The following EDAR variants were observed in gnomAD, a reference collection of about 807,000 sequenced individuals.
The protein encoded by EDAR is tumor necrosis factor receptor superfamily member EDAR.
Under a neutral mutation model 51.3 loss-of-function variants are expected in EDAR, and 38 were observed. That is an observed-to-expected ratio of 0.74 (90% CI 0.57 to 0.97). The LOEUF is 0.97. Among genes scored for constraint, EDAR ranks in the 50% least tolerant of loss-of-function variants. The probability of loss-of-function intolerance (pLI) is 0.00; values close to 1 mark genes in which losing one functional copy is unlikely to be tolerated. For missense variants in EDAR, 528 were observed against 595.0 expected (o/e 0.89, Z 1.17); for synonymous variants, 227 against 242.1 (o/e 0.94, Z 0.58).
At chr2:108,897,337 T>A (rs917417341) in intron 11 of EDAR, 108 bp from the exon 12 acceptor site, 53 of 1,105,296 alleles carry the variant, frequency 4.8e-5, no homozygotes, top group Admixed American at 6.5e-5. Flanking sequence ...AAAATTTTTT[T>A]AAAATTATAA....
chr2:108,935,723 A>C (rs1053668637), intron 1 of EDAR, among the ~76,000 whole-genome samples: 9 of 152,182 alleles, frequency 5.9e-5, no homozygotes, highest in African/African-American at 2.2e-4. Flanking sequence ...TTTATTCAAC[A>C]AAGAGCTGTG....
intron 1 of EDAR, among the ~76,000 whole-genome samples, chr2:108,946,557 T>G (rs930534122): frequency 6.6e-6 from 1 of 152,188 alleles, no homozygotes. Context: ...ACTGGGTAAC[T>G]TATAAAGAAA....
chr2:108,900,550 C>CA (rs1216281451), intron 11 of EDAR, among the ~76,000 whole-genome samples: 28 of 69,546 alleles, frequency 4.0e-4, no homozygotes, highest in South Asian at 1.0e-3. Flanking sequence ...GTGGAAACTC[C>CA]AAAAAAAAAG....
At position 108,896,954 on chromosome 2, in the gene EDAR, A is replaced by G. The variant is rs773885029; in HGVS notation, c.1300T>C (p.Trp434Arg). Reference sequence around the variant, plus strand: ...GAGGCAGGTGGCACAACCCCCGCCCACTCCAGTATGTCTGCACACAAGGAC... The same window carrying G: ...GAGGCAGGTGGCACAACCCCCGCCCGCTCCAGTATGTCTGCACACAAGGAC... ...VESLCADILE[W>R]AGVVPPASQP... Residue 434 changes from tryptophan to arginine, a missense_variant, in exon 12 of 12, where the codon TGG (tryptophan) becomes CGG (arginine). Transcript: ENST00000258443. 2 of 1,613,280 alleles carry G rather than the reference A, an allele frequency of 1.2e-6. No homozygotes were observed. The highest frequency in any genetic ancestry group is 2.2e-5 in the South Asian group (2 of 90,868).
At position 108,930,253 on chromosome 2, in the gene EDAR, AG is replaced by A; in HGVS notation, c.52-12del. Reference sequence around the variant, plus strand: ...GCACATCAGAGACACCTGCCAACAAAGGGGGGTGTTGTGGCCTCCGTACCTC... The same window carrying A: ...GCACATCAGAGACACCTGCCAACAAAGGGGGTGTTGTGGCCTCCGTACCTC... On this transcript the variant is annotated splice_polypyrimidine_tract_variant and intron_variant, in intron 2 of 11. Coordinates refer to ENST00000258443, the MANE Select transcript of EDAR (RefSeq NM_022336.4). The A allele has an allele frequency of 1.9e-6, 3 of 1,613,974 alleles. No homozygotes were observed. Among genetic ancestry groups the A allele is most frequent in the Non-Finnish European group, 2.5e-6 (3 of 1,179,974 alleles).
Position 108,921,041 on chromosome 2 carries a change from G to A in EDAR, c.442+2327C>T, listed in dbSNP as rs537390900. Among the ~76,000 whole-genome samples, 244 of 152,300 alleles carry A rather than the reference G, an allele frequency of 1.6e-3. 1 individual carries two copies. Among genetic ancestry groups the A allele is most frequent in the Middle Eastern group, 3.4e-3 (1 of 294 alleles). ...CTGGCTCACCCAGACCTGATGAATCGGGGGTGGGCCAAGCAATTCGAGTCA... is the reference window on the plus strand; with the variant it reads ...CTGGCTCACCCAGACCTGATGAATCAGGGGTGGGCCAAGCAATTCGAGTCA... On this transcript the variant is annotated intron_variant, in intron 5 of 11. Coordinates refer to ENST00000258443, the MANE Select transcript of EDAR (RefSeq NM_022336.4).
At chr2:108,958,419 A>AC (rs142192051) in intron 1 of EDAR, among the ~76,000 whole-genome samples, 4,637 of 152,006 alleles carry the variant, frequency 0.031, 145 homozygotes, top group African/African-American at 0.08. Context: ...GAAAAAAAAA[A>AC]CAAAAAACAA....
At chr2:108,912,793 A>G (rs1314548394) in intron 5 of EDAR, 29 bp from the exon 6 acceptor site, 1 of 1,547,270 alleles carries the variant, frequency 6.5e-7, no homozygotes, top group Admixed American at 1.9e-5. Context: ...CCCTCAAATG[A>G]TCCAGAGAAG....
At chr2:108,914,207 C>G (rs968169707) in intron 5 of EDAR, among the ~76,000 whole-genome samples, 1 of 151,724 alleles carries the variant, frequency 6.6e-6, no homozygotes, top group African/African-American at 2.4e-5. Flanking sequence ...TTGCAGTGAG[C>G]CGAGATCACA....
chr2:108,963,808 G>A (rs1003247932), intron 1 of EDAR, among the ~76,000 whole-genome samples: 1 of 152,214 alleles, frequency 6.6e-6, no homozygotes, highest in African/African-American at 2.4e-5. Flanking sequence ...TGTAGACTCT[G>A]CCTTCTTGTG....
intron 1 of EDAR, among the ~76,000 whole-genome samples, chr2:108,932,528 C>CAAAAAAAAAAAAAA (rs1171012818): frequency 2.8e-4 from 11 of 39,156 alleles, no homozygotes; most frequent in African/African-American, 6.0e-4. Flanking sequence ...GACTCTGTCT[C>CAAAAAAAAAAAAAA]AAAAAAAAAA....
At chr2:108,904,692 T>C (rs1696769374) in intron 11 of EDAR, among the ~76,000 whole-genome samples, 1 of 152,228 alleles carries the variant, frequency 6.6e-6, no homozygotes. Context: ...TGAATTATGC[T>C]GAGTGAAAAA....
chr2:108,972,629 C>CCA (rs1698256966), intron 1 of EDAR, among the ~76,000 whole-genome samples: 1 of 152,144 alleles, frequency 6.6e-6, no homozygotes, highest in Admixed American at 6.5e-5. Context: ...ACAAGGGTGA[C>CCA]GGGTGTCTTC....
intron 4 of EDAR, among the ~76,000 whole-genome samples, chr2:108,924,117 C>T (rs1208407412): frequency 6.6e-6 from 1 of 152,250 alleles, no homozygotes; most frequent in Non-Finnish European, 1.5e-5. Flanking sequence ...GCTGGGGCTG[C>T]ACACACAGTG....
intron 1 of EDAR, among the ~76,000 whole-genome samples, chr2:108,954,392 C>T (rs1322430750): frequency 6.6e-6 from 1 of 152,198 alleles, no homozygotes; most frequent in African/African-American, 2.4e-5. Flanking sequence ...AGACATTCTG[C>T]AGCCTACCTG....
At chr2:108,930,046 C>T in intron 3 of EDAR, 74 bp downstream of exon 3, 3 of 1,533,350 alleles carry the variant, frequency 2.0e-6, no homozygotes, top group Non-Finnish European at 2.6e-6. Context: ...GCAAGGCAGG[C>T]TCAGGGCAAC....
At chr2:108,932,304 G>A (rs975970093) in intron 1 of EDAR, among the ~76,000 whole-genome samples, 4 of 151,886 alleles carry the variant, frequency 2.6e-5, no homozygotes, top group African/African-American at 4.8e-5. Flanking sequence ...TGAGACGGGC[G>A]GATCACGAGG....
intron 1 of EDAR, among the ~76,000 whole-genome samples, chr2:108,960,571 C>T (rs1698018957): frequency 6.6e-6 from 1 of 152,220 alleles, no homozygotes; most frequent in African/African-American, 2.4e-5. Context: ...CAACTTCCAC[C>T]ACGCTGGCTC....
At chr2:108,922,323 C>A (rs1236768095) in intron 5 of EDAR, among the ~76,000 whole-genome samples, 1 of 152,254 alleles carries the variant, frequency 6.6e-6, no homozygotes, top group Non-Finnish European at 1.5e-5. Flanking sequence ...GCTGGCTTCA[C>A]CATGAGTCAG....
Sources: allele counts gnomAD v4.1 joint callset (sites outside exome capture counted in the v4.1 genomes callset), GRCh38; gene constraint gnomAD v4.1.1; transcripts MANE v1.5; gene names NCBI Gene and HGNC (gene_info 2026-07-23, HGNC 2026-07-21).